The following PHF14 variants were observed in gnomAD, a reference collection of about 807,000 sequenced individuals.
PHF14 encodes the protein PHD finger protein 14.
A neutral mutation model predicts 117.9 loss-of-function variants in PHF14; 55 were observed. That is an observed-to-expected ratio of 0.47 (90% CI 0.38 to 0.58). The LOEUF (loss-of-function observed/expected upper bound fraction) is 0.58, where lower values mean the gene tolerates loss of function less well. PHF14 is among the 20% of genes least tolerant of loss of function. The pLI is 0.00. For synonymous variants in PHF14, 409 were observed against 368.6 expected (o/e 1.11, Z -1.26); for missense variants, 978 against 1,122.2 (o/e 0.87, Z 1.84).
chr7:11,022,804 T>C (rs1428223829), intron 5 of PHF14, 64 bp from the exon 6 acceptor site: 3 of 869,418 alleles, frequency 3.5e-6, no homozygotes, highest in Non-Finnish European at 3.5e-6. Flanking sequence ...GTTTTATATG[T>C]TTGTTTTGTG....
In PHF14 at chr7:11,111,415, AACAG is replaced by A. The variant is rs1175738531; in HGVS notation, c.2725_2728del (p.Thr909AlafsTer54). 3 of 1,608,746 alleles carry A rather than the reference AACAG, an allele frequency of 1.9e-6. No homozygotes were observed. Among genetic ancestry groups the A allele is most frequent in the African/African-American group, 1.3e-5 (1 of 74,794 alleles). On this transcript the variant is annotated frameshift_variant, in exon 17 of 18. Transcript: ENST00000634607. LOFTEE classifies it high-confidence loss of function. ...GATCCTCCTTTGAAAAAGTCTCCTA[AACAG>A]ACAGGCTACGGATGGATATGTCAGG...
intron 4 of PHF14, among the ~76,000 whole-genome samples, chr7:10,998,518 T>C (rs1782744696): frequency 1.3e-5 from 2 of 152,196 alleles, no homozygotes; most frequent in African/African-American, 4.8e-5. Context: ...AAGAGCTCAT[T>C]AATATAAATA....
At chr7:11,064,475 AT>A (rs1262390724) in intron 16 of PHF14, among the ~76,000 whole-genome samples, 1 of 151,954 alleles carries the variant, frequency 6.6e-6, no homozygotes, top group Non-Finnish European at 1.5e-5. Context: ...CTCTTTTAAA[AT>A]TAAACTTCAT....
In PHF14 at chr7:11,003,748, T is replaced by C. The variant is rs79000237; in HGVS notation, c.1046-9999T>C. 6.7e-3 allele frequency among the ~76,000 whole-genome samples: 1,020 copies of C among 152,320 alleles called. 12 individuals are homozygous for C. The highest frequency in any genetic ancestry group is 0.023 in the African/African-American group (967 of 41,566). ...TTGAATTAATTCATTAAAATATTCTTAATTATAAGTGACATATGAGTAGAT... is the reference window on the plus strand; with the variant it reads ...TTGAATTAATTCATTAAAATATTCTCAATTATAAGTGACATATGAGTAGAT... On this transcript the variant is annotated intron_variant, in intron 4 of 17. Transcript: ENST00000634607.
chr7:11,157,025 G>A (rs1244234967), intron 17 of PHF14, among the ~76,000 whole-genome samples: 2 of 152,052 alleles, frequency 1.3e-5, no homozygotes, highest in Non-Finnish European at 2.9e-5. Flanking sequence ...CTTATATGTT[G>A]TCATGGTTCA....
At chr7:11,040,598 G>A (rs1223576131) in intron 11 of PHF14, 74 bp from the exon 12 acceptor site, 3 of 620,410 alleles carry the variant, frequency 4.8e-6, no homozygotes, top group Non-Finnish European at 7.7e-6. Flanking sequence ...CTTGGCTTGA[G>A]TGGCAATTAG....
chr7:11,100,710 T>C (rs1787056109), intron 16 of PHF14, among the ~76,000 whole-genome samples: 1 of 151,916 alleles, frequency 6.6e-6, no homozygotes, highest in African/African-American at 2.4e-5. Context: ...CTGATTTCAT[T>C]ACTATTTTAT....
rs186956276 is a variant in PHF14, at chr7:11,050,349, A to G, written c.2313-1263A>G. On this transcript the variant is annotated intron_variant, in intron 13 of 17. Coordinates refer to ENST00000634607, the MANE Select transcript of PHF14 (RefSeq NM_001007157.2). ...AGATTATAATCATTTTTATTAAGAG[A>G]ATACTATCAAACTTTTGGAGAATTT... is the stretch of plus-strand genomic sequence containing the variant. Among the ~76,000 whole-genome samples, 6 of 152,316 alleles carry G rather than the reference A, an allele frequency of 3.9e-5. No individual in the cohort carries two copies. The East Asian group carries it at 1.2e-3, about 29-fold the overall frequency.
rs562012921 is a variant in PHF14 at position 11,000,530 on chromosome 7, G to A, written c.1045+9683G>A. ...AATTTTTTATTTTTAGTAGAGATGG[G>A]GTTTTGCCATGTTGGCCAGGCTGGT... On this transcript the variant is annotated intron_variant, in intron 4 of 17. Coordinates refer to ENST00000634607, the MANE Select transcript of PHF14 (RefSeq NM_001007157.2). Among the ~76,000 whole-genome samples, 8 of 151,698 alleles carry A rather than the reference G, an allele frequency of 5.3e-5. No homozygotes were observed. In the South Asian group the frequency reaches 1.7e-3, roughly 32 times the overall value.
chr7:11,023,697 G>T (rs1406270077), intron 6 of PHF14, among the ~76,000 whole-genome samples: 1 of 152,120 alleles, frequency 6.6e-6, no homozygotes, highest in Admixed American at 6.6e-5. Flanking sequence ...GCGTGGTGGC[G>T]CGTGCCTGTA....
At chr7:11,053,071 C>T (rs994893104) in intron 14 of PHF14, among the ~76,000 whole-genome samples, 4 of 152,062 alleles carry the variant, frequency 2.6e-5, no homozygotes, top group Admixed American at 6.6e-5. Context: ...TCTTCCTTTC[C>T]ACAAGGGAGA....
intron 17 of PHF14, among the ~76,000 whole-genome samples, chr7:11,138,717 A>G (rs1482238661): frequency 1.3e-5 from 2 of 152,214 alleles, no homozygotes; most frequent in Admixed American, 6.5e-5. Flanking sequence ...ATCGTGAGAG[A>G]TAAGTGCTCA....
chr7:11,013,415 G>A (rs1220394076), intron 4 of PHF14, among the ~76,000 whole-genome samples: 1 of 152,038 alleles, frequency 6.6e-6, no homozygotes, highest in Admixed American at 6.6e-5. Context: ...GCCCACCTCG[G>A]CCTCCCAAAG....
Position 11,166,077 on chromosome 7 carries a change from A to G in PHF14, c.2773-3339A>G, listed in dbSNP as rs1789194800. On this transcript the variant is annotated intron_variant, in intron 17 of 17. Coordinates refer to ENST00000634607, the MANE Select transcript of PHF14 (RefSeq NM_001007157.2). ...TGAGTGCACATTCTTGAAATTTCAC[A>G]TATAACTAGCAGATCTGCAAAGTTG... Among the ~76,000 whole-genome samples, 4 of 152,236 alleles carry G rather than the reference A, an allele frequency of 2.6e-5. No individual in the cohort carries two copies. In the South Asian group the frequency reaches 8.3e-4, roughly 31 times the overall value.
intron 17 of PHF14, among the ~76,000 whole-genome samples, chr7:11,153,076 G>T (rs905875181): frequency 5.3e-5 from 8 of 152,162 alleles, no homozygotes; most frequent in African/African-American, 1.9e-4. Flanking sequence ...AGCATGGGTG[G>T]ATTGTGATGT....
chr7:11,125,907 T>C (rs1045015500), intron 17 of PHF14, among the ~76,000 whole-genome samples: 1 of 152,114 alleles, frequency 6.6e-6, no homozygotes, highest in African/African-American at 2.4e-5. Context: ...CAAAAGATTA[T>C]GTGCTTCACT....
Position 10,982,913 on chromosome 7 carries a change from A to C in PHF14, c.654A>C (p.Val218=). The C allele has an allele frequency of 6.2e-7, 1 of 1,612,404 alleles. No individual in the cohort carries two copies. Among genetic ancestry groups the C allele is most frequent in the South Asian group, 1.1e-5 (1 of 90,906 alleles). The change falls in exon 3 of 18, where the codon GTA becomes GTC. Residue 218 remains valine, a synonymous_variant. Coordinates refer to ENST00000634607, the MANE Select transcript of PHF14 (RefSeq NM_001007157.2). ...ATGACAATGATTGGCGACCTACTGT[A>C]GTAAAGAGAAAAGGGAGATCTGCGT... ...SEDDNDWRPT[V]VKRKGRSASQ...
intron 5 of PHF14, among the ~76,000 whole-genome samples, chr7:11,020,687 C>CTT (rs111452639): frequency 2.0e-5 from 3 of 151,496 alleles, no homozygotes; most frequent in African/African-American, 7.3e-5. Context: ...CCACTTCTTT[C>CTT]TTTTTTTTTC....
intron 13 of PHF14, among the ~76,000 whole-genome samples, chr7:11,049,068 T>C (rs990873837): frequency 6.6e-6 from 1 of 152,194 alleles, no homozygotes; most frequent in Non-Finnish European, 1.5e-5. Context: ...TTTCAGTTTT[T>C]AAAACAAAAC....
Sources: allele counts gnomAD v4.1 joint callset (sites outside exome capture counted in the v4.1 genomes callset), GRCh38; gene constraint gnomAD v4.1.1; transcripts MANE v1.5; gene names NCBI Gene and HGNC (gene_info 2026-07-23, HGNC 2026-07-21).